ATRNL1: variants seen among roughly 807,000 people sequenced by gnomAD.
ATRNL1 encodes the protein attractin-like protein 1.
A neutral mutation model predicts 182.7 loss-of-function variants in ATRNL1; 95 were observed. The ratio of observed to expected loss-of-function variants is 0.52; its 90% CI spans 0.44 to 0.62. The LOEUF is 0.62. Among genes scored for constraint, ATRNL1 ranks in the 20% least tolerant of loss-of-function variants. ATRNL1 has a pLI of 0.00. For synonymous variants in ATRNL1, 576 were observed against 568.3 expected (o/e 1.01, Z -0.19); for missense variants, 1,471 against 1,679.5 (o/e 0.88, Z 2.17).
intron 5 of ATRNL1, among the ~76,000 whole-genome samples, chr10:115,153,244 G>A (rs1294452242): frequency 6.6e-6 from 1 of 152,112 alleles, no homozygotes; most frequent in Non-Finnish European, 1.5e-5. Flanking sequence ...AATGAGTTAG[G>A]GAGGATTCCC....
chr10:115,572,157 T>C (rs1854431017), intron 26 of ATRNL1, among the ~76,000 whole-genome samples: 1 of 152,132 alleles, frequency 6.6e-6, no homozygotes, highest in Non-Finnish European at 1.5e-5. Flanking sequence ...TATATTACAA[T>C]TCATTTAATT....
chr10:115,310,962 T>C (rs2134001960), intron 17 of ATRNL1, among the ~76,000 whole-genome samples: 1 of 152,264 alleles, frequency 6.6e-6, no homozygotes, highest in Non-Finnish European at 1.5e-5. Flanking sequence ...TACTATAAAC[T>C]TTTAGCACCA....
At chr10:115,562,386 A>C (rs1187833237) in intron 26 of ATRNL1, among the ~76,000 whole-genome samples, 1 of 152,178 alleles carries the variant, frequency 6.6e-6, no homozygotes, top group Non-Finnish European at 1.5e-5. Context: ...ATGTTTTAAA[A>C]TTAGACTGTG....
intron 20 of ATRNL1, among the ~76,000 whole-genome samples, chr10:115,415,578 T>C (rs555190913): frequency 8.5e-5 from 13 of 152,078 alleles, no homozygotes; most frequent in African/African-American, 3.1e-4. Context: ...TTTGGAATTT[T>C]ATTCATGGTT....
In ATRNL1 at chr10:115,899,713, T is replaced by G. The variant is rs555000677; in HGVS notation, c.4019-44945T>G. On this transcript the variant is annotated intron_variant, in intron 28 of 28. Coordinates refer to ENST00000355044, the MANE Select transcript of ATRNL1 (RefSeq NM_207303.4). ...AGATATGCAGAATTGGTAATAGTGATTGTCTTGAGACGCTGGACTTGGGAC... is the reference window on the plus strand; with the variant it reads ...AGATATGCAGAATTGGTAATAGTGAGTGTCTTGAGACGCTGGACTTGGGAC... Among the ~76,000 whole-genome samples, 32 of 152,324 alleles carry G rather than the reference T, an allele frequency of 2.1e-4. 1 individual carries two copies. The South Asian group carries it at 6.6e-3, about 32-fold the overall frequency.
intron 28 of ATRNL1, among the ~76,000 whole-genome samples, chr10:115,878,509 A>G (rs1555107743): frequency 6.6e-6 from 1 of 152,214 alleles, no homozygotes; most frequent in African/African-American, 2.4e-5. Context: ...GATAATTGAC[A>G]TATCAGTGCA....
In ATRNL1 at chr10:115,448,700, G is replaced by A. The variant is rs553390219; in HGVS notation, c.3323-13241G>A. ...GAGCTGAACTGAAGGAAATCAAGAC[G>A]CACACAAAAAAAAAACATTTAAAAG... On this transcript the variant is annotated intron_variant, in intron 21 of 28. Transcript: ENST00000355044. 2.6e-3 allele frequency among the ~76,000 whole-genome samples: 397 copies of A among 150,382 alleles called. 4 individuals carry two copies. The highest frequency in any genetic ancestry group is 6.3e-4 in the South Asian group (3 of 4,788).
At chr10:115,852,856 T>C (rs1951089288) in intron 28 of ATRNL1, among the ~76,000 whole-genome samples, 1 of 152,180 alleles carries the variant, frequency 6.6e-6, no homozygotes, top group South Asian at 2.1e-4. Flanking sequence ...GTGCATGCCG[T>C]GGCGCATCTG....
intron 24 of ATRNL1, among the ~76,000 whole-genome samples, chr10:115,485,053 A>G (rs1294918496): frequency 3.3e-5 from 5 of 151,948 alleles, no homozygotes; most frequent in Non-Finnish European, 7.4e-5. Flanking sequence ...TGTTGCTAGT[A>G]TTTAGTAGGT....
In ATRNL1 at chr10:115,315,621, A is replaced by G; in HGVS notation, c.2922A>G (p.Glu974=). 6.2e-7 allele frequency: 1 copy of G among 1,613,974 alleles called. No homozygotes were observed. Among genetic ancestry groups the G allele is most frequent in the Non-Finnish European group, 8.5e-7 (1 of 1,179,962 alleles). ...ATACAGGAAGAGGACATTGCATTGA[A>G]GGTTCTTCACGGGGACCAATGAAGC... ...PSNTGRGHCI[E]GSSRGPMKLI... Residue 974 remains glutamate, a synonymous_variant, in exon 18 of 29, where the codon GAA becomes GAG. Coordinates refer to ENST00000355044, the MANE Select transcript of ATRNL1 (RefSeq NM_207303.4).
At position 115,416,300 on chromosome 10, in the gene ATRNL1, C is replaced by T. The variant is rs373934724; in HGVS notation, c.3270-9950C>T. 9.9e-5 allele frequency among the ~76,000 whole-genome samples: 15 copies of T among 152,032 alleles called. No individual in the cohort carries two copies. In the East Asian group the frequency reaches 2.1e-3, roughly 22 times the overall value. Reference sequence around the variant, plus strand: ...TATTTCATTAGCTTTTTGGAGGTACCTGTGTTTCCTTAAATGACACATGGA... The same window carrying T: ...TATTTCATTAGCTTTTTGGAGGTACTTGTGTTTCCTTAAATGACACATGGA... On this transcript the variant is annotated intron_variant, in intron 20 of 28. Transcript: ENST00000355044.
chr10:115,505,724 A>G (rs1018075194), intron 24 of ATRNL1, among the ~76,000 whole-genome samples: 1 of 152,086 alleles, frequency 6.6e-6, no homozygotes, highest in African/African-American at 2.4e-5. Flanking sequence ...TAGGAGAGAA[A>G]AAAAAACATG....
chr10:115,614,378 G>C (rs11522510), intron 26 of ATRNL1, among the ~76,000 whole-genome samples: 1 of 152,120 alleles, frequency 6.6e-6, no homozygotes, highest in Non-Finnish European at 1.5e-5. Flanking sequence ...TGTGATCTAA[G>C]AAGATATGTG....
intron 26 of ATRNL1, among the ~76,000 whole-genome samples, chr10:115,630,856 AC>A (rs1555026137): frequency 4.8e-5 from 7 of 146,238 alleles, no homozygotes; most frequent in Non-Finnish European, 7.5e-5. Flanking sequence ...ACACACACAC[AC>A]ACACACACAC....
In ATRNL1 at chr10:115,160,180, A is replaced by G. The variant is rs538000199; in HGVS notation, c.970A>G (p.Thr324Ala). 56 of 1,612,342 alleles carry G rather than the reference A, an allele frequency of 3.5e-5. No individual in the cohort carries two copies. In the South Asian group the frequency reaches 5.7e-4, roughly 16 times the overall value. ...GKFMWVIGGY[T>A]FNYSSFQMVL... ...ATTTATGTGGGTGATTGGTGGATAT[A>G]CTTTTAACTACAGTTCTTTTCAAAT... The change falls in exon 6 of 29, where the codon ACT (threonine) becomes GCT (alanine). Residue 324 changes from threonine (T) to alanine (A), a missense_variant. Physicochemically the swap from Thr to Ala is moderately conservative, Grantham distance 58. Coordinates refer to ENST00000355044, the MANE Select transcript of ATRNL1 (RefSeq NM_207303.4).
chr10:115,315,815 A>G, intron 18 of ATRNL1, 79 bp downstream of exon 18: 5 of 1,226,384 alleles, frequency 4.1e-6, no homozygotes, highest in Non-Finnish European at 5.7e-6. Context: ...ATAATAAAGA[A>G]AATTTAGCTT....
intron 26 of ATRNL1, among the ~76,000 whole-genome samples, chr10:115,569,802 T>C (rs149740372): frequency 1.4e-3 from 209 of 152,092 alleles, no homozygotes; most frequent in African/African-American, 4.7e-3. Flanking sequence ...AACAATGTAT[T>C]ACTCTGTTAA....
intron 18 of ATRNL1, among the ~76,000 whole-genome samples, chr10:115,321,550 G>A (rs1554931529): frequency 6.6e-6 from 1 of 151,822 alleles, no homozygotes; most frequent in Non-Finnish European, 1.5e-5. Context: ...TTTTATGATG[G>A]CAAATATTGT....
chr10:115,294,022 T>C (rs1400819913), intron 15 of ATRNL1, among the ~76,000 whole-genome samples: 1 of 152,248 alleles, frequency 6.6e-6, no homozygotes, highest in East Asian at 1.9e-4. Flanking sequence ...TTGGGAAGTT[T>C]TCAAGTGATT....
Sources: gnomAD v4.1 joint callset for allele counts (sites outside exome capture counted in the v4.1 genomes callset) on GRCh38, gnomAD v4.1.1 for gene constraint, MANE v1.5 for transcripts, NCBI Gene and HGNC (gene_info 2026-07-23, HGNC 2026-07-21) for gene names.